RASSF2: variants seen among roughly 807,000 people sequenced by gnomAD.
RASSF2 encodes the protein ras association domain-containing protein 2.
RASSF2 carries 34 observed loss-of-function variants against 46.3 expected under a neutral mutation model. That is an observed-to-expected ratio of 0.73 (90% CI 0.56 to 0.98). RASSF2 has a LOEUF of 0.98. Among genes scored for constraint, RASSF2 ranks in the 50% least tolerant of loss-of-function variants. RASSF2 has a pLI of 0.00. For synonymous variants in RASSF2, 158 were observed against 162.5 expected, an observed-to-expected ratio of 0.97 and a Z score of 0.21; for missense variants, 364 against 431.2, an observed-to-expected ratio of 0.84 and a Z score of 1.38.
In RASSF2 at chr20:4,790,446, C is replaced by T. The variant is rs6116513; in HGVS notation, c.537+5G>A. On this transcript the variant is annotated splice_donor_5th_base_variant and intron_variant, in intron 7 of 11. Transcript: ENST00000379400. This position sits in a 1 kb window ranked among gnomAD's most constrained non-coding sequence, Gnocchi z 4.3. ...CCACCCTCCCCGTCCCCCTGTCCAC[C>T]TTACCTTATGGTTGTAGAAATGGCC... is the stretch of plus-strand genomic sequence containing the variant. 1 of 1,460,242 alleles carries T rather than the reference C, an allele frequency of 6.8e-7. No homozygotes were observed. Among genetic ancestry groups the T allele is most frequent in the Non-Finnish European group, 9.0e-7 (1 of 1,105,838 alleles). The allele number at this position is 1,460,242 out of a possible 1,614,324, so 90.5% of individuals were successfully genotyped here.
intron 4 of RASSF2, among the ~76,000 whole-genome samples, chr20:4,796,724 G>T (rs1476018852): frequency 6.6e-6 from 1 of 152,220 alleles, no homozygotes; most frequent in African/African-American, 2.4e-5. Context: ...ACTCGCTTAT[G>T]ACTATGAAAT....
intron 2 of RASSF2, among the ~76,000 whole-genome samples, chr20:4,821,656 T>TCC (rs1928695609): frequency 6.6e-6 from 1 of 152,068 alleles, no homozygotes; most frequent in African/African-American, 2.4e-5. Context: ...CCTTCCAGCC[T>TCC]CCCCAGCACA....
intron 2 of RASSF2, among the ~76,000 whole-genome samples, chr20:4,810,714 G>A (rs13037958): frequency 0.38 from 57,613 of 151,968 alleles, 11,142 homozygotes; most frequent in Admixed American, 0.49. Context: ...TTGTCTTTCT[G>A]GTTGTAGAGC....
At chr20:4,813,447 C>T (rs568356969) in intron 2 of RASSF2, among the ~76,000 whole-genome samples, 7 of 152,344 alleles carry the variant, frequency 4.6e-5, no homozygotes, top group Admixed American at 2.6e-4. Context: ...GGACTCCTGC[C>T]GGAAAGGCCT....
rs148513930 is a variant in RASSF2, at chr20:4,800,584, C to T, written c.59+388G>A. Among the ~76,000 whole-genome samples the T allele has an allele frequency of 2.0e-5, 3 of 152,284 alleles. No homozygotes were observed. In the East Asian group the frequency reaches 5.8e-4, roughly 29 times the overall value. ...ATCTAATCACATCCCAGAGGCCCCA[C>T]CTCTTATACCAGCACCTTGGGGTGA... On this transcript the variant is annotated intron_variant, in intron 3 of 11. Transcript: ENST00000379400.
chr20:4,804,512 T>C (rs1234567663), intron 2 of RASSF2, among the ~76,000 whole-genome samples: 1 of 152,064 alleles, frequency 6.6e-6, no homozygotes, highest in East Asian at 1.9e-4. Flanking sequence ...TAATTTTTTG[T>C]ATTTTTAGTG....
intron 2 of RASSF2, among the ~76,000 whole-genome samples, chr20:4,809,827 C>T (rs1927629145): frequency 6.6e-6 from 1 of 152,122 alleles, no homozygotes; most frequent in Non-Finnish European, 1.5e-5. Context: ...ACAGCTGATC[C>T]CCTGGGGAGC....
intron 2 of RASSF2, among the ~76,000 whole-genome samples, chr20:4,810,748 C>T (rs531339028): frequency 3.3e-5 from 5 of 152,196 alleles, no homozygotes; most frequent in African/African-American, 4.8e-5. Context: ...CAACCACCCC[C>T]ACCTCAGCTC....
rs141013497 is a variant in RASSF2 at position 4,801,155 on chromosome 20, C to T, written c.-32-93G>A. The stretch of plus-strand genomic sequence containing the variant: ...GGTGGGGAGGGGGCACAAAATTGGA[C>T]GCCATGGCTCTCCGTTCCTCCCCAC... On this transcript the variant is annotated intron_variant, in intron 2 of 11. Transcript: ENST00000379400. 7.2e-5 allele frequency: 63 copies of T among 874,704 alleles called. No homozygotes were observed. In the Middle Eastern group the frequency reaches 1.3e-3, roughly 18 times the overall value. 54.2% of individuals were successfully genotyped at this position (874,704 alleles called of 1,614,324 possible).
intron 2 of RASSF2, chr20:4,815,017 C>T (rs1312620486): frequency 6.6e-6 from 1 of 152,244 alleles, no homozygotes; most frequent in East Asian, 1.9e-4. Context: ...CTGGGCAGGG[C>T]CAGGTGAAGA....
intron 2 of RASSF2, among the ~76,000 whole-genome samples, chr20:4,815,314 T>C (rs2122676033): frequency 6.6e-6 from 1 of 152,242 alleles, no homozygotes; most frequent in Middle Eastern, 3.4e-3. Context: ...GAGCCATCCT[T>C]GCCCTAAATG....
At chr20:4,804,841 G>A (rs1297307725) in intron 2 of RASSF2, among the ~76,000 whole-genome samples, 1 of 152,126 alleles carries the variant, frequency 6.6e-6, no homozygotes, top group Non-Finnish European at 1.5e-5. Flanking sequence ...GGATGTGTGG[G>A]GGCAGAGGGC....
At chr20:4,815,157 C>A (rs6084902) in intron 2 of RASSF2, 6 of 152,232 alleles carry the variant, frequency 3.9e-5, no homozygotes, top group Non-Finnish European at 7.3e-5. Context: ...GAAAAGCCAC[C>A]TGACCCACTC....
chr20:4,811,553 G>C (rs1927818764), intron 2 of RASSF2, among the ~76,000 whole-genome samples: 2 of 151,812 alleles, frequency 1.3e-5, no homozygotes, highest in Non-Finnish European at 2.9e-5. Flanking sequence ...GTATTTCAAA[G>C]CAGCCCTTCA....
chr20:4,804,936 G>A (rs1927220944), intron 2 of RASSF2, among the ~76,000 whole-genome samples: 1 of 152,028 alleles, frequency 6.6e-6, no homozygotes, highest in African/African-American at 2.4e-5. Context: ...CTTTCTGGAG[G>A]AAGAGACCTC....
rs1925794406 is a variant in RASSF2 at position 4,790,608 on chromosome 20, G to T, written c.380C>A (p.Ser127Tyr). The T allele has an allele frequency of 6.6e-7, 1 of 1,518,130 alleles. No homozygotes were observed. The highest frequency in any genetic ancestry group is 8.7e-7 in the Non-Finnish European group (1 of 1,144,818). The allele number at this position is 1,518,130 out of a possible 1,614,324, so 94.0% of individuals were successfully genotyped here. ...CTCCTGCAGGGGCTTCAGGCCCCTG[G>T]AGTCTGAGAGAGGAGAGGGAAATGA... ...EGDQMPSSTD[S>Y]RGLKPLQEDT... Residue 127 changes from serine (S) to tyrosine (Y), a missense_variant, in exon 7 of 12, where the codon TCC (serine) becomes TAC (tyrosine). By Grantham distance (144) the Ser-to-Tyr change is moderately radical (BLOSUM62 -2). Coordinates refer to ENST00000379400, the MANE Select transcript of RASSF2 (RefSeq NM_014737.3). The surrounding 1 kb of genome is among the most constrained non-coding windows in gnomAD (Gnocchi z 4.3).
intron 2 of RASSF2, among the ~76,000 whole-genome samples, chr20:4,817,118 A>G (rs924697445): frequency 1.3e-5 from 2 of 152,090 alleles, no homozygotes; most frequent in Non-Finnish European, 2.9e-5. Flanking sequence ...AAATACATAT[A>G]TATCATATTC....
In RASSF2 at chr20:4,800,983, T is replaced by C; in HGVS notation, c.48A>G (p.Lys16=). ...QTSLVPCGQD[K]YISKNELLLH... The stretch of plus-strand genomic sequence containing the variant: ...GCAAAACGTCTTACTTGGAAATGTA[T>C]TTATCTTGTCCACATGGGACTAGGG... The change falls in exon 3 of 12, where the codon AAA becomes AAG. Residue 16 remains lysine (K), a synonymous_variant. Coordinates refer to ENST00000379400, the MANE Select transcript of RASSF2 (RefSeq NM_014737.3). The C allele has an allele frequency of 6.2e-7, 1 of 1,611,684 alleles. No homozygotes were observed. The highest frequency in any genetic ancestry group is 8.5e-7 in the Non-Finnish European group (1 of 1,177,736).
chr20:4,792,327 G>A lies in RASSF2; in HGVS notation c.376+212C>T, dbSNP rs1230617037. 4.0e-5 allele frequency among the ~76,000 whole-genome samples: 6 copies of A among 150,918 alleles called. No homozygotes were observed. In the East Asian group the frequency reaches 1.2e-3, roughly 30 times the overall value. ...TCCACCCATAAAGACATGTCAGTGT[G>A]TTTTGCTTATATTTGCATGGACTAT... On this transcript the variant is annotated intron_variant, in intron 6 of 11. Coordinates refer to ENST00000379400, the MANE Select transcript of RASSF2 (RefSeq NM_014737.3).
Sources: allele counts gnomAD v4.1 joint callset (sites outside exome capture counted in the v4.1 genomes callset), GRCh38; gene constraint gnomAD v4.1.1; non-coding constraint Gnocchi (gnomAD v3.1); transcripts MANE v1.5; gene names NCBI Gene and HGNC (gene_info 2026-07-23, HGNC 2026-07-21).